Variants in EMC1 observed in about 807,000 individuals in gnomAD.
EMC1 encodes the protein KIAA0090.
Under a neutral mutation model 128.8 loss-of-function variants are expected in EMC1, and 103 were observed. The observed-to-expected ratio is 0.80, with a 90% confidence interval of 0.68 to 0.94. The LOEUF (loss-of-function observed/expected upper bound fraction) is 0.94. Among genes scored for constraint, EMC1 ranks in the 40% least tolerant of loss-of-function variants. The pLI is 0.00. For synonymous variants in EMC1, 442 were observed against 490.4 expected (o/e 0.90, Z 1.30); for missense variants, 1,083 against 1,250.6 (o/e 0.87, Z 2.02).
Position 19,251,498 on chromosome 1 carries a change from C to G in EMC1, c.12G>C (p.Glu4Asp), listed in dbSNP as rs1192560440. 1 of 1,614,020 alleles carries G rather than the reference C, an allele frequency of 6.2e-7. No homozygotes were observed. The change falls in exon 1 of 23, where the codon GAG becomes GAC. Residue 4 changes from glutamate (E) to aspartate (D), a missense_variant. By Grantham distance (45) the Glu-to-Asp change is conservative (BLOSUM62 2). This residue lies in a region of EMC1 where 544 missense variants were observed against 572.4 expected (regional missense o/e 0.95). Transcript: ENST00000477853. Reference sequence around the variant, plus strand: ...CCCAAAGCCAGAAACGAGAAGCCCACTCAGCCGCCATGATGCGAGCGCATG... The same window carrying G: ...CCCAAAGCCAGAAACGAGAAGCCCAGTCAGCCGCCATGATGCGAGCGCATG... MAA[E>D]WASRFWLWAT...
chr1:19,238,671 T>C lies in EMC1; in HGVS notation c.1089+124A>G, dbSNP rs1347720095. 3.8e-5 allele frequency: 26 copies of C among 692,052 alleles called. No homozygotes were observed. The East Asian group carries it at 6.1e-4, about 16-fold the overall frequency. 42.9% of individuals were successfully genotyped at this position (692,052 alleles called of 1,614,324 possible). On this transcript the variant is annotated intron_variant, in intron 10 of 22. Coordinates refer to ENST00000477853, the MANE Select transcript of EMC1 (RefSeq NM_015047.3). ...AGAAACATCATTTAATTTACAGTAC[T>C]TAGGAAACCTCATTTGAAGCTGGGA...
At chr1:19,228,890 G>A (rs1300961323) in intron 17 of EMC1, among the ~76,000 whole-genome samples, 3 of 151,916 alleles carry the variant, frequency 2.0e-5, no homozygotes, top group East Asian at 1.9e-4. Context: ...CGTCTCTACT[G>A]AAAATACAAA....
At chr1:19,232,153 T>C (rs1325712963) in intron 15 of EMC1, among the ~76,000 whole-genome samples, 1 of 152,118 alleles carries the variant, frequency 6.6e-6, no homozygotes, top group Non-Finnish European at 1.5e-5. Context: ...TCCCAGCTAC[T>C]CGGGAGGCTG....
rs1261811418 is a variant in EMC1, at chr1:19,217,082, C to T, written c.*2221G>A. The stretch of plus-strand genomic sequence containing the variant: ...TAAGTCAAGGAATACACACAAAAAA[C>T]AAGGAATGACAAGAAAGCAAATAGA... On this transcript the variant is annotated 3_prime_UTR_variant, in exon 23 of 23. Coordinates refer to ENST00000477853, the MANE Select transcript of EMC1 (RefSeq NM_015047.3). 2.0e-5 allele frequency: 3 copies of T among 152,078 alleles called. No homozygotes were observed. Among genetic ancestry groups the T allele is most frequent in the African/African-American group, 7.2e-5 (3 of 41,404 alleles). The allele number at this position is 152,078 out of a possible 1,614,324, so 9.4% of individuals were successfully genotyped here.
At chr1:19,242,531 G>C in intron 4 of EMC1, 58 bp from the exon 5 acceptor site, 2 of 1,604,544 alleles carry the variant, frequency 1.2e-6, no homozygotes, top group Non-Finnish European at 1.7e-6. Context: ...GGCTGGGAGA[G>C]ACAGTCCAGA....
In EMC1 at chr1:19,218,559, C is replaced by T. The variant is rs12130051; in HGVS notation, c.*744G>A. On this transcript the variant is annotated 3_prime_UTR_variant, in exon 23 of 23. Coordinates refer to ENST00000477853, the MANE Select transcript of EMC1 (RefSeq NM_015047.3). ...AGACAATTCAGTAGTTTTTAAAAGG[C>T]CCCAACTCACACATCTCAGGTGAAA... The T allele has an allele frequency of 0.12, 18,758 of 152,156 alleles. 1,393 individuals are homozygous for T. Among genetic ancestry groups the T allele is most frequent in the African/African-American group, 0.19 (7,884 of 41,484 alleles). 9.4% of individuals were successfully genotyped at this position (152,156 alleles called of 1,614,324 possible).
At position 19,219,070 on chromosome 1, in the gene EMC1, A is replaced by G. The variant is rs2093411778; in HGVS notation, c.*233T>C. On this transcript the variant is annotated 3_prime_UTR_variant, in exon 23 of 23. Coordinates refer to ENST00000477853, the MANE Select transcript of EMC1 (RefSeq NM_015047.3). ...TTTGGACTTCAAGAGAAAGCCCATC[A>G]GGAATCTCTGAGAGTGTCAGCTGAG... is the stretch of plus-strand genomic sequence containing the variant. The G allele has an allele frequency of 2.1e-6, 1 of 481,868 alleles. No individual in the cohort carries two copies. Among genetic ancestry groups the G allele is most frequent in the African/African-American group, 1.9e-5 (1 of 52,050 alleles). 29.8% of individuals were successfully genotyped at this position (481,868 alleles called of 1,614,324 possible).
At chr1:19,244,142 T>C (rs1340840076) in intron 2 of EMC1, 127 bp from the exon 3 acceptor site, 3 of 859,890 alleles carry the variant, frequency 3.5e-6, no homozygotes, top group Middle Eastern at 2.8e-4. Context: ...TGAAGGAGTA[T>C]AGCTAACTGG....
At chr1:19,238,338 A>C (rs931086305) in intron 10 of EMC1, among the ~76,000 whole-genome samples, 199 bp from the exon 11 acceptor site, 1 of 152,250 alleles carries the variant, frequency 6.6e-6, no homozygotes, top group African/African-American at 2.4e-5. Flanking sequence ...AAATGAAATT[A>C]CAACTACCAT....
Position 19,218,803 on chromosome 1 carries a change from ATTTC to A in EMC1, c.*496_*499del, listed in dbSNP as rs1424410176. 2 of 160,762 alleles carry A rather than the reference ATTTC, an allele frequency of 1.2e-5. No homozygotes were observed. The highest frequency in any genetic ancestry group is 3.6e-4 in the East Asian group (2 of 5,546). 10.0% of individuals were successfully genotyped at this position (160,762 alleles called of 1,614,324 possible). A position where few individuals can be genotyped will look rare whatever the true frequency, so the allele number is the denominator to read the frequency against. Reference sequence around the variant, plus strand: ...CAAGCCTCAGCTAAGGATGGATCCTATTTCTTCCCAGTGCAAAACACCAAATGTA... The same window carrying A: ...CAAGCCTCAGCTAAGGATGGATCCTATTCCCAGTGCAAAACACCAAATGTA... On this transcript the variant is annotated 3_prime_UTR_variant, in exon 23 of 23. Transcript: ENST00000477853.
intron 12 of EMC1, among the ~76,000 whole-genome samples, chr1:19,235,944 G>C (rs2093560246): frequency 6.6e-6 from 1 of 152,072 alleles, no homozygotes; most frequent in Non-Finnish European, 1.5e-5. Context: ...AGATTTTCTA[G>C]AGAGACTCTT....
At chr1:19,240,661 C>T in intron 6 of EMC1, 1 of 585,634 alleles carries the variant, frequency 1.7e-6, no homozygotes, top group Non-Finnish European at 3.0e-6. Context: ...GATTTTCTTT[C>T]TGGTCACTGG....
At chr1:19,222,998 G>A in intron 19 of EMC1, 164 bp from the exon 20 acceptor site, 2 of 609,750 alleles carry the variant, frequency 3.3e-6, no homozygotes, top group South Asian at 4.5e-5. Flanking sequence ...AACTTTCAAA[G>A]TAGTTTTATC....
intron 1 of EMC1, among the ~76,000 whole-genome samples, chr1:19,250,455 A>G (rs1015783423): frequency 2.0e-5 from 3 of 152,216 alleles, no homozygotes; most frequent in Admixed American, 2.0e-4. Context: ...TACACATATG[A>G]CATTGTGAAC....
rs750615141 is a variant in EMC1 at position 19,240,363 on chromosome 1, C to T, written c.720G>A (p.Pro240=). Residue 240 remains proline (P), a synonymous_variant, in exon 7 of 23, where the codon CCG becomes CCA. Coordinates refer to ENST00000477853, the MANE Select transcript of EMC1 (RefSeq NM_015047.3). ...VDEAVLVCPD[P]SSRSLQTLAL... is the part of the protein sequence containing the mutation. ...CCAAAGTTTGGAGGGAACGTGAGCT[C>T]GGGTCAGGACACACCAGGACAGCCT... The T allele has an allele frequency of 1.2e-5, 20 of 1,614,066 alleles. No individual in the cohort carries two copies. Among genetic ancestry groups the T allele is most frequent in the Admixed American group, 1.7e-5 (1 of 60,000 alleles).
At chr1:19,244,810 A>C in intron 2 of EMC1, 96 bp downstream of exon 2, 2 of 1,472,440 alleles carry the variant, frequency 1.4e-6, no homozygotes, top group Middle Eastern at 2.1e-4. Flanking sequence ...CTTTTGGCCA[A>C]CATGTTCCTT....
At position 19,237,125 on chromosome 1, in the gene EMC1, G is replaced by A; in HGVS notation, c.1309+17C>T. 2.5e-6 allele frequency: 4 copies of A among 1,590,320 alleles called. No individual in the cohort carries two copies. The highest frequency in any genetic ancestry group is 3.5e-6 in the Non-Finnish European group (4 of 1,158,384). On this transcript the variant is annotated intron_variant, in intron 12 of 22. Transcript: ENST00000477853. ...GCCTGGGGAAATAAAAAAATGGGTT[G>A]AATGAGGTCTACTTACCCAACTGCT... is the stretch of plus-strand genomic sequence containing the variant.
In EMC1 at chr1:19,240,366, G is replaced by C. The variant is rs41302030; in HGVS notation, c.717C>G (p.Asp239Glu). Residue 239 changes from aspartate to glutamate, a missense_variant, in exon 7 of 23, where the codon GAC becomes GAG. Transcript: ENST00000477853. Reference protein sequence around the residue: ...VVDEAVLVCPDPSSRSLQTLA... With the variant: ...VVDEAVLVCPEPSSRSLQTLA... ...AAGTTTGGAGGGAACGTGAGCTCGG[G>C]TCAGGACACACCAGGACAGCCTCAT... is the stretch of plus-strand genomic sequence containing the variant. 741 of 1,614,190 alleles carry C rather than the reference G, an allele frequency of 4.6e-4. No individual in the cohort carries two copies. The highest frequency in any genetic ancestry group is 6.1e-4 in the Non-Finnish European group (714 of 1,180,036).
intron 19 of EMC1, 49 bp downstream of exon 19, chr1:19,223,347 G>A (rs1558092404): frequency 1.3e-6 from 2 of 1,532,010 alleles, no homozygotes; most frequent in Non-Finnish European, 1.8e-6. Flanking sequence ...GACTCAGGAG[G>A]CAGGGAGACC....
Sources: allele counts gnomAD v4.1 joint callset (sites outside exome capture counted in the v4.1 genomes callset), GRCh38; gene constraint gnomAD v4.1.1; regional missense constraint gnomAD v4.1.1; transcripts MANE v1.5; gene names NCBI Gene and HGNC (gene_info 2026-07-23, HGNC 2026-07-21).